SP100: variants seen among roughly 807,000 people sequenced by gnomAD.
SP100 encodes SP100 nuclear body protein.
In SP100, 84 loss-of-function variants were observed where a neutral mutation model predicts 130.0. The ratio of observed to expected loss-of-function variants is 0.65; its 90% CI spans 0.54 to 0.77. The LOEUF (loss-of-function observed/expected upper bound fraction) is 0.77. Among genes scored for constraint, SP100 ranks in the 30% least tolerant of loss-of-function variants. The probability of loss-of-function intolerance (pLI) is 0.00; values close to 1 mark genes in which losing one functional copy is unlikely to be tolerated. For missense variants in SP100, 978 were observed against 1,052.2 expected, an observed-to-expected ratio of 0.93 and a Z score of 0.97; for synonymous variants, 331 against 351.7, an observed-to-expected ratio of 0.94 and a Z score of 0.66.
At chr2:230,475,394 T>C (rs1054086164) in intron 17 of SP100, among the ~76,000 whole-genome samples, 2 of 152,224 alleles carry the variant, frequency 1.3e-5, no homozygotes, top group Admixed American at 1.3e-4. Context: ...TTTTGTTTTT[T>C]GCTTGTTGAT....
intron 2 of SP100, among the ~76,000 whole-genome samples, chr2:230,420,077 C>T (rs556512188): frequency 0.022 from 3,305 of 152,272 alleles, 52 homozygotes; most frequent in Non-Finnish European, 0.036. Context: ...GTAAATCTCT[C>T]CATTTATTCA....
chr2:230,416,396 C>A, intron 1 of SP100, 68 bp downstream of exon 1: 1 of 1,347,374 alleles, frequency 7.4e-7, no homozygotes, highest in South Asian at 1.2e-5. Context: ...GCCTTTAGTT[C>A]AGTTTGTGCC....
intron 16 of SP100, among the ~76,000 whole-genome samples, 159 bp downstream of exon 16, chr2:230,473,599 A>G (rs546517831): frequency 2.3e-4 from 35 of 152,324 alleles, no homozygotes; most frequent in African/African-American, 8.2e-4. Context: ...CAGAATTTCA[A>G]AAGTCTGAAA....
At chr2:230,447,680 G>A (rs185011142) in intron 5 of SP100, among the ~76,000 whole-genome samples, 117 of 152,352 alleles carry the variant, frequency 7.7e-4, no homozygotes, top group African/African-American at 2.7e-3. Flanking sequence ...AGGGCACAGA[G>A]CTTCTGCCCT....
intron 2 of SP100, among the ~76,000 whole-genome samples, chr2:230,419,856 A>G (rs1018562969): frequency 6.6e-6 from 1 of 152,180 alleles, no homozygotes; most frequent in African/African-American, 2.4e-5. Context: ...TAAATTTTAC[A>G]TATGAATTTG....
At chr2:230,441,814 C>A (rs939756962) in intron 2 of SP100, among the ~76,000 whole-genome samples, 1 of 152,124 alleles carries the variant, frequency 6.6e-6, no homozygotes, top group Non-Finnish European at 1.5e-5. Flanking sequence ...GGCTCTGTGT[C>A]TCCCTTCAAA....
At chr2:230,537,377 A>G (rs1229312271) in intron 24 of SP100, among the ~76,000 whole-genome samples, 2 of 152,170 alleles carry the variant, frequency 1.3e-5, no homozygotes, top group Non-Finnish European at 2.9e-5. Context: ...GATCTAGATC[A>G]ATCCACACTG....
chr2:230,535,523 T>TTCTCTC (rs141197281), intron 24 of SP100, among the ~76,000 whole-genome samples: 44 of 151,884 alleles, frequency 2.9e-4, no homozygotes, highest in African/African-American at 9.4e-4. Context: ...TGAGGCATAT[T>TTCTCTC]TCTCTCTCTC....
chr2:230,480,094 T>G (rs2065762495), intron 17 of SP100, among the ~76,000 whole-genome samples: 1 of 152,214 alleles, frequency 6.6e-6, no homozygotes, highest in South Asian at 2.1e-4. Context: ...CTGGTTTACT[T>G]TTCCACAAAA....
At chr2:230,424,913 A>G (rs1287849768) in intron 2 of SP100, among the ~76,000 whole-genome samples, 1 of 152,188 alleles carries the variant, frequency 6.6e-6, no homozygotes, top group African/African-American at 2.4e-5. Context: ...CTAAATGTGT[A>G]AAAACAATCC....
At position 230,542,048 on chromosome 2, in the gene SP100, C is replaced by A; in HGVS notation, c.2547+13C>A. The stretch of plus-strand genomic sequence containing the variant: ...GGAATTTTACAGGGTGAGTGGCTCT[C>A]CCTGCTTCCTTTTCTCTTTCAATTA... On this transcript the variant is annotated intron_variant, in intron 28 of 28. Transcript: ENST00000340126. The A allele has an allele frequency of 1.2e-6, 2 of 1,613,252 alleles. No individual in the cohort carries two copies. The highest frequency in any genetic ancestry group is 1.7e-6 in the Non-Finnish European group (2 of 1,179,488).
Position 230,446,803 on chromosome 2 carries a change from C to G in SP100, c.440-16C>G. ...CTGTAGATCTCTAATTGCTTCTTCT[C>G]TCTCCCACTCTTCAGTAATCCATGA... is the stretch of plus-strand genomic sequence containing the variant. On this transcript the variant is annotated splice_polypyrimidine_tract_variant and intron_variant, in intron 4 of 28. Transcript: ENST00000340126. The G allele has an allele frequency of 1.3e-6, 2 of 1,529,134 alleles. No individual in the cohort carries two copies. Among genetic ancestry groups the G allele is most frequent in the Non-Finnish European group, 1.8e-6 (2 of 1,105,182 alleles). The allele number at this position is 1,529,134 out of a possible 1,614,324, so 94.7% of individuals were successfully genotyped here. A position where few individuals can be genotyped will look rare whatever the true frequency, so the allele number is the denominator to read the frequency against.
intron 24 of SP100, among the ~76,000 whole-genome samples, chr2:230,535,681 GT>G (rs975919539): frequency 6.6e-6 from 1 of 152,020 alleles, no homozygotes; most frequent in Admixed American, 6.6e-5. Context: ...GCCAAGGCAG[GT>G]GGATCACTTG....
chr2:230,423,149 A>G (rs564755320), intron 2 of SP100, among the ~76,000 whole-genome samples: 2 of 152,310 alleles, frequency 1.3e-5, no homozygotes, highest in Non-Finnish European at 2.9e-5. Context: ...TGTTAGGAGA[A>G]AGCAGATTAG....
chr2:230,507,579 T>C (rs182420135), intron 22 of SP100, among the ~76,000 whole-genome samples: 1 of 152,140 alleles, frequency 6.6e-6, no homozygotes, highest in East Asian at 1.9e-4. Context: ...AGAGGTACAA[T>C]AGATCGGAGA....
chr2:230,421,174 T>C (rs2062757078), intron 2 of SP100, among the ~76,000 whole-genome samples: 1 of 152,148 alleles, frequency 6.6e-6, no homozygotes, highest in Non-Finnish European at 1.5e-5. Context: ...CCCTCTTATA[T>C]ATTTGCTTGG....
At chr2:230,519,335 A>G (rs764834609) in intron 24 of SP100, among the ~76,000 whole-genome samples, 6 of 152,238 alleles carry the variant, frequency 3.9e-5, no homozygotes, top group Admixed American at 1.3e-4. Flanking sequence ...AAAGCTTGCA[A>G]TAACTCATCG....
At chr2:230,498,697 A>C (rs1348334888) in intron 19 of SP100, among the ~76,000 whole-genome samples, 162 bp downstream of exon 19, 2 of 152,196 alleles carry the variant, frequency 1.3e-5, no homozygotes, top group East Asian at 3.8e-4. Context: ...AAAGATGATA[A>C]CACCACAAAC....
intron 17 of SP100, among the ~76,000 whole-genome samples, chr2:230,479,890 A>C (rs1370047075): frequency 6.6e-6 from 1 of 152,200 alleles, no homozygotes; most frequent in Non-Finnish European, 1.5e-5. Flanking sequence ...AGCCTGCAAT[A>C]GTCTTTCTAG....
Sources: allele counts gnomAD v4.1 joint callset (sites outside exome capture counted in the v4.1 genomes callset), GRCh38; gene constraint gnomAD v4.1.1; transcripts MANE v1.5; gene names NCBI Gene and HGNC (gene_info 2026-07-23, HGNC 2026-07-21).